The following AKAP6 variants were observed in gnomAD, a reference collection of about 807,000 sequenced individuals.
The protein encoded by AKAP6 is A-kinase anchor protein 6.
A neutral mutation model predicts 188.5 loss-of-function variants in AKAP6; 58 were observed. The observed-to-expected ratio is 0.31, with a 90% CI of 0.25 to 0.38. The LOEUF (loss-of-function observed/expected upper bound fraction) is 0.38. Ranked by LOEUF, AKAP6 falls within the 10% of genes least tolerant of loss-of-function variation. The pLI is 1.00. For missense variants in AKAP6, 2,710 were observed against 2,740.0 expected (o/e 0.99, Z 0.24); for synonymous variants, 989 against 998.6 (o/e 0.99, Z 0.18).
chr14:32,554,986 T>G (rs1883628689), intron 4 of AKAP6, among the ~76,000 whole-genome samples: 1 of 152,238 alleles, frequency 6.6e-6, no homozygotes, highest in African/African-American at 2.4e-5. Context: ...ACAAGAGATG[T>G]AAATGTCTTC....
intron 2 of AKAP6, among the ~76,000 whole-genome samples, chr14:32,460,437 G>C (rs768844491): frequency 5.3e-5 from 8 of 152,200 alleles, no homozygotes; most frequent in Non-Finnish European, 1.0e-4. Flanking sequence ...CAGAGGGTGA[G>C]CAGAAGCAGG....
chr14:32,434,145 T>G (rs1291794755), intron 2 of AKAP6, among the ~76,000 whole-genome samples: 1 of 152,162 alleles, frequency 6.6e-6, no homozygotes, highest in Non-Finnish European at 1.5e-5. Flanking sequence ...AATAAAAGAC[T>G]CTTATAGGTA....
At chr14:32,578,904 T>G (rs1194926265) in intron 5 of AKAP6, among the ~76,000 whole-genome samples, 1 of 152,078 alleles carries the variant, frequency 6.6e-6, no homozygotes, top group Admixed American at 6.6e-5. Flanking sequence ...TTACAGGGTT[T>G]CTTACTTGGC....
chr14:32,696,695 G>A (rs973115061), intron 9 of AKAP6, among the ~76,000 whole-genome samples: 6 of 151,736 alleles, frequency 4.0e-5, no homozygotes, highest in Non-Finnish European at 7.4e-5. Flanking sequence ...TATCTATATT[G>A]TTTTCCATGT....
intron 7 of AKAP6, among the ~76,000 whole-genome samples, chr14:32,624,263 G>A (rs1440178336): frequency 6.6e-6 from 1 of 152,104 alleles, no homozygotes; most frequent in Non-Finnish European, 1.5e-5. Flanking sequence ...GGACTAATAG[G>A]ACAGAGGAAA....
intron 11 of AKAP6, among the ~76,000 whole-genome samples, chr14:32,756,729 G>A (rs185636616): frequency 2.4e-4 from 36 of 152,306 alleles, no homozygotes; most frequent in African/African-American, 7.5e-4. Flanking sequence ...CTCCAAGGCT[G>A]GTTCCCCAGT....
intron 1 of AKAP6, among the ~76,000 whole-genome samples, chr14:32,432,095 A>G (rs1267306448): frequency 1.3e-5 from 2 of 152,164 alleles, no homozygotes; most frequent in Non-Finnish European, 2.9e-5. Flanking sequence ...GTTACTGTAC[A>G]AATATGAACC....
chr14:32,822,161 A>G lies in AKAP6; in HGVS notation c.4348A>G (p.Thr1450Ala). 3 of 1,613,714 alleles carry G rather than the reference A, an allele frequency of 1.9e-6. No homozygotes were observed. The highest frequency in any genetic ancestry group is 2.5e-6 in the Non-Finnish European group (3 of 1,179,850). Residue 1450 changes from threonine (T) to alanine (A), a missense_variant, in exon 13 of 14, where the codon ACC (threonine) becomes GCC (alanine). Physicochemically the swap from Thr to Ala is moderately conservative, Grantham distance 58. Around this residue, in one of 2 missense-constraint regions of AKAP6, gnomAD observed 2,473 missense variants for 2,426.1 expected, o/e 1.02. Coordinates refer to ENST00000280979, the MANE Select transcript of AKAP6 (RefSeq NM_004274.5). The part of the protein sequence containing the change: ...VGDLNSITKH[T>A]PDCLGEELQG... ...AGATTTAAACAGTATTACCAAACAT[A>G]CCCCTGACTGTTTGGGAGAAGAATT... is the stretch of plus-strand genomic sequence containing the variant.
chr14:32,750,061 T>C (rs2032065322), intron 11 of AKAP6, among the ~76,000 whole-genome samples: 1 of 152,238 alleles, frequency 6.6e-6, no homozygotes, highest in Admixed American at 6.5e-5. Context: ...CTGATCTTTT[T>C]TCATCTTATG....
chr14:32,560,368 A>G (rs964605147), intron 4 of AKAP6, among the ~76,000 whole-genome samples: 1 of 152,144 alleles, frequency 6.6e-6, no homozygotes, highest in Non-Finnish European at 1.5e-5. Context: ...CTTGCTGTTT[A>G]ACATTAGGAA....
intron 1 of AKAP6, among the ~76,000 whole-genome samples, chr14:32,418,377 T>G (rs61981114): frequency 0.39 from 58,974 of 152,042 alleles, 11,943 homozygotes; most frequent in Admixed American, 0.44. Context: ...GGCTCAGAAA[T>G]CATGACCCTG....
At chr14:32,710,736 A>G (rs1247896573) in intron 9 of AKAP6, among the ~76,000 whole-genome samples, 1 of 152,082 alleles carries the variant, frequency 6.6e-6, no homozygotes, top group Non-Finnish European at 1.5e-5. Flanking sequence ...AATAACACCT[A>G]CCTTGAAAGA....
At chr14:32,354,766 G>GC (rs1887421768) in intron 1 of AKAP6, among the ~76,000 whole-genome samples, 1 of 152,090 alleles carries the variant, frequency 6.6e-6, no homozygotes, top group African/African-American at 2.4e-5. Flanking sequence ...CAGATTTCAT[G>GC]CCCCCTTACA....
At chr14:32,523,744 G>A (rs1418951470) in intron 2 of AKAP6, among the ~76,000 whole-genome samples, 2 of 150,094 alleles carry the variant, frequency 1.3e-5, no homozygotes, top group African/African-American at 4.9e-5. Flanking sequence ...CCAGGTTGCA[G>A]GTGTGAGCCA....
At chr14:32,374,571 G>C (rs1214013471) in intron 1 of AKAP6, among the ~76,000 whole-genome samples, 1 of 152,128 alleles carries the variant, frequency 6.6e-6, no homozygotes, top group Non-Finnish European at 1.5e-5. Context: ...AAGTTGTGAA[G>C]GGCCTACTTA....
At chr14:32,419,680 T>C (rs1469062235) in intron 1 of AKAP6, among the ~76,000 whole-genome samples, 2 of 152,170 alleles carry the variant, frequency 1.3e-5, no homozygotes, top group African/African-American at 4.8e-5. Flanking sequence ...GAGATCAGGC[T>C]TATTTCACAG....
chr14:32,464,607 G>A (rs1225588502), intron 2 of AKAP6, among the ~76,000 whole-genome samples: 1 of 152,046 alleles, frequency 6.6e-6, no homozygotes, highest in Non-Finnish European at 1.5e-5. Context: ...AAAATAATAA[G>A]AGCTATTTAT....
At chr14:32,779,443 C>T (rs1313052673) in intron 12 of AKAP6, among the ~76,000 whole-genome samples, 1 of 142,748 alleles carries the variant, frequency 7.0e-6, no homozygotes. Context: ...AAAGGAAACC[C>T]ACTTTAAACA....
At chr14:32,685,447 T>G (rs1889871281) in intron 8 of AKAP6, among the ~76,000 whole-genome samples, 1 of 151,412 alleles carries the variant, frequency 6.6e-6, no homozygotes, top group Non-Finnish European at 1.5e-5. Flanking sequence ...TCTGGCCGGG[T>G]GCGGTGGGAT....
Sources: allele counts gnomAD v4.1 joint callset (sites outside exome capture counted in the v4.1 genomes callset), GRCh38; gene constraint gnomAD v4.1.1; regional missense constraint gnomAD v4.1.1; transcripts MANE v1.5; gene names NCBI Gene and HGNC (gene_info 2026-07-23, HGNC 2026-07-21).